The following NLRP11 variants were observed in gnomAD, a reference collection of about 807,000 sequenced individuals.
NLRP11 encodes NLR family pyrin domain containing 11.
Under a neutral mutation model 79.3 loss-of-function variants are expected in NLRP11, and 53 were observed. That is an observed-to-expected ratio of 0.67 (90% CI 0.54 to 0.84). The LOEUF (loss-of-function observed/expected upper bound fraction) is 0.84, where lower values mean the gene tolerates loss of function less well. Ranked by LOEUF, NLRP11 falls within the 40% of genes least tolerant of loss-of-function variation. The pLI is 0.00. For missense variants in NLRP11, 1,264 were observed against 1,255.0 expected (o/e 1.01, Z -0.11); for synonymous variants, 518 against 462.6 (o/e 1.12, Z -1.54).
chr19:55,819,136 C>G lies in NLRP11; in HGVS notation c.-62-900G>C, dbSNP rs1221864281. 6.5e-3 allele frequency among the ~76,000 whole-genome samples: 290 copies of G among 44,608 alleles called. 3 individuals are homozygous for G. The highest frequency in any genetic ancestry group is 0.033 in the African/African-American group (133 of 4,018). The allele number at this position is 44,608 out of a possible 152,430, so 29.3% of individuals were successfully genotyped here. A position where few individuals can be genotyped will look rare whatever the true frequency, so the allele number is the denominator to read the frequency against. On this transcript the variant is annotated intron_variant, in intron 1 of 9. Coordinates refer to ENST00000589093, the Ensembl canonical transcript of NLRP11. ...CTGAGTGGTATCGCCTACACACACACACACACACACACACACACACACACA... is the reference window on the plus strand; with the variant it reads ...CTGAGTGGTATCGCCTACACACACAGACACACACACACACACACACACACA...
intron 2 of NLRP11, 85 bp downstream of exon 2, chr19:55,817,819 A>AGG (rs548775818): frequency 1.0e-6 from 1 of 988,834 alleles, no homozygotes; most frequent in Non-Finnish European, 1.4e-6. Context: ...AAACCTATTT[A>AGG]GAAAAAAAAA....
intron 5 of NLRP11, among the ~76,000 whole-genome samples, chr19:55,800,454 C>T (rs139555413): frequency 0.015 from 2,270 of 152,222 alleles, 54 homozygotes; most frequent in African/African-American, 0.051. Context: ...ATTACAGGCA[C>T]CTGCTACCAT....
intron 1 of NLRP11, among the ~76,000 whole-genome samples, chr19:55,819,172 C>G (rs900581471): frequency 1.7e-4 from 23 of 135,396 alleles, no homozygotes; most frequent in Middle Eastern, 3.8e-3. Flanking sequence ...CACACACACA[C>G]ACACACACAC....
intron 5 of NLRP11, among the ~76,000 whole-genome samples, chr19:55,796,817 T>C (rs1035819020): frequency 1.8e-4 from 28 of 151,858 alleles, no homozygotes; most frequent in Non-Finnish European, 3.4e-4. Flanking sequence ...GCCTCCCGAG[T>C]AGCTGGGATT....
upstream of NLRP11, among the ~76,000 whole-genome samples, chr19:55,836,127 A>C (rs1440040354): frequency 6.6e-6 from 1 of 152,332 alleles, no homozygotes; most frequent in East Asian, 1.9e-4. Context: ...GTATCTAATA[A>C]TAATTAATAA....
At chr19:55,832,498 G>A (rs1159118316), upstream of NLRP11, among the ~76,000 whole-genome samples, 1 of 152,198 alleles carries the variant, frequency 6.6e-6, no homozygotes, top group African/African-American at 2.4e-5. Context: ...CACCCGGGGG[G>A]CCCGTCTTGG....
At chr19:55,817,184 T>A (rs1466233516) in intron 2 of NLRP11, among the ~76,000 whole-genome samples, 2 of 152,010 alleles carry the variant, frequency 1.3e-5, no homozygotes, top group African/African-American at 4.8e-5. Flanking sequence ...ATTTAAAAAA[T>A]AGATGTTGGT....
intron 1 of NLRP11, among the ~76,000 whole-genome samples, chr19:55,827,677 A>G (rs1215381507): frequency 6.6e-6 from 1 of 151,684 alleles, no homozygotes. Flanking sequence ...GCTCATCATC[A>G]CTGGCCATCA....
chr19:55,819,170 C>G (rs1051170962), intron 1 of NLRP11, among the ~76,000 whole-genome samples: 1 of 130,954 alleles, frequency 7.6e-6, no homozygotes, highest in Non-Finnish European at 1.6e-5. Flanking sequence ...CACACACACA[C>G]ACACACACAC....
chr19:55,832,444 G>C (rs529812859), upstream of NLRP11, among the ~76,000 whole-genome samples: 1 of 152,236 alleles, frequency 6.6e-6, no homozygotes, highest in Non-Finnish European at 1.5e-5. Flanking sequence ...CCAAAGGCAT[G>C]TTTAACAGGT....
intron 7 of NLRP11, among the ~76,000 whole-genome samples, chr19:55,791,737 AT>A: frequency 6.6e-6 from 1 of 152,298 alleles, no homozygotes. Context: ...ATTATTCAGC[AT>A]CATTGATGAG....
chr19:55,817,428 A>G (rs1183855102), intron 2 of NLRP11, among the ~76,000 whole-genome samples: 1 of 151,404 alleles, frequency 6.6e-6, no homozygotes, highest in Non-Finnish European at 1.5e-5. Context: ...CCAAATGCCC[A>G]TCAATCAACA....
At chr19:55,792,519 G>A (rs375770670) in intron 6 of NLRP11, 48 bp from the exon 7 acceptor site, 49 of 1,546,272 alleles carry the variant, frequency 3.2e-5, no homozygotes, top group Non-Finnish European at 4.2e-5. Flanking sequence ...CACCAGAGAG[G>A]GGAGCACCTG....
At chr19:55,805,525 T>C (rs1009538550) in intron 4 of NLRP11, among the ~76,000 whole-genome samples, 10 of 142,604 alleles carry the variant, frequency 7.0e-5, no homozygotes, top group Non-Finnish European at 1.2e-4. Context: ...GCAACAAAAC[T>C]GTTTAAGGTT....
intron 6 of NLRP11, among the ~76,000 whole-genome samples, chr19:55,794,305 TTG>T (rs1355377518): frequency 1.3e-5 from 2 of 152,168 alleles, no homozygotes; most frequent in African/African-American, 2.4e-5. Context: ...AACAAAAAAC[TTG>T]TAGATATGAG....
intron 4 of NLRP11, among the ~76,000 whole-genome samples, chr19:55,805,643 G>A (rs112273340): frequency 4.6e-5 from 7 of 151,920 alleles, no homozygotes; most frequent in South Asian, 2.1e-4. Context: ...GGGTTTAAGC[G>A]ATTCTCCTGC....
At chr19:55,802,987 C>T (rs10407000) in intron 4 of NLRP11, among the ~76,000 whole-genome samples, 3 of 152,102 alleles carry the variant, frequency 2.0e-5, no homozygotes, top group African/African-American at 4.8e-5. Flanking sequence ...AACTGAATGC[C>T]TTCTTCACAC....
At chr19:55,800,467 C>G (rs937241549) in intron 5 of NLRP11, among the ~76,000 whole-genome samples, 1 of 152,136 alleles carries the variant, frequency 6.6e-6, no homozygotes, top group African/African-American at 2.4e-5. Flanking sequence ...GCTACCATGC[C>G]TGGCTAATTT....
At chr19:55,810,123 T>A (rs765348354) in exon 3 of NLRP11, 1 of 1,614,210 alleles carries the variant, frequency 6.2e-7, no homozygotes, top group Non-Finnish European at 8.5e-7. Flanking sequence ...GCCAGATTTA[T>A]AACAATAGTT....
Sources: gnomAD v4.1 joint callset for allele counts (sites outside exome capture counted in the v4.1 genomes callset) on GRCh38, gnomAD v4.1.1 for gene constraint, MANE v1.5 for transcripts, NCBI Gene and HGNC (gene_info 2026-07-23, HGNC 2026-07-21) for gene names.